The following SYNJ2 variants were observed in gnomAD, a reference collection of about 807,000 sequenced individuals.
The protein encoded by SYNJ2 is synaptojanin 2, also known as polyphosphatidylinositol phosphatase SYNJ2.
SYNJ2 carries 116 observed loss-of-function variants against 141.3 expected under a neutral mutation model. The observed-to-expected ratio is 0.82, with a 90% CI of 0.71 to 0.96. The LOEUF (loss-of-function observed/expected upper bound fraction) is 0.96, where lower values mean the gene tolerates loss of function less well. SYNJ2 is among the 40% of genes least tolerant of loss of function. The pLI is 0.00. For missense variants in SYNJ2, 1,873 were observed against 1,934.8 expected (o/e 0.97, Z 0.60); for synonymous variants, 745 against 777.7 (o/e 0.96, Z 0.70).
intron 2 of SYNJ2, among the ~76,000 whole-genome samples, chr6:158,023,712 C>T (rs2128332428): frequency 6.6e-6 from 1 of 152,236 alleles, no homozygotes; most frequent in East Asian, 1.9e-4. Flanking sequence ...GTAACTCCCC[C>T]TAGGATTCCA....
chr6:158,022,152 T>TC (rs990183479), intron 2 of SYNJ2, among the ~76,000 whole-genome samples: 1 of 152,210 alleles, frequency 6.6e-6, no homozygotes, highest in African/African-American at 2.4e-5. Context: ...GGCCGAAGCT[T>TC]CCCCCTTCAC....
At chr6:158,074,949 G>A (rs1480059890) in intron 16 of SYNJ2, among the ~76,000 whole-genome samples, 1 of 133,582 alleles carries the variant, frequency 7.5e-6, no homozygotes, top group Non-Finnish European at 1.6e-5. Flanking sequence ...TTTTTTTCCT[G>A]AGGCAGAGTC....
In SYNJ2 at chr6:158,069,551, G is replaced by T; in HGVS notation, c.1818G>T (p.Met606Ile). Reference protein sequence around the residue: ...IVNASTTNKKMWGEQLQKAIS... With the variant: ...IVNASTTNKKIWGEQLQKAIS... ...CTTCCAGTACTACCAACAAGAAGAT[G>T]TGGGGTGAACAGCTTCAGAAAGCCA... Residue 606 changes from methionine (M) to isoleucine (I), a missense_variant, in exon 14 of 27, where the codon ATG (methionine) becomes ATT (isoleucine). Met to Ile is a conservative substitution (Grantham distance 10). Transcript: ENST00000355585. 1 of 1,613,500 alleles carries T rather than the reference G, an allele frequency of 6.2e-7. No homozygotes were observed.
In SYNJ2 at chr6:158,086,949, G is replaced by A. The variant is rs2296506; in HGVS notation, c.3303G>A (p.Arg1101=). The change falls in exon 23 of 27, where the codon CGG becomes CGA. Residue 1101 remains arginine (R), a synonymous_variant. Transcript: ENST00000355585. Reference sequence around the variant, plus strand: ...GCAGGTCTCTGTCGGTCCCCAACCGGCCTCGGCCACCTCAACCCCCGCAGA... The same window carrying A: ...GCAGGTCTCTGTCGGTCCCCAACCGACCTCGGCCACCTCAACCCCCGCAGA... ...SPSRSLSVPN[R]PRPPQPPQRP... is the part of the protein sequence containing the mutation. 814,991 of 1,604,280 alleles carry A rather than the reference G, an allele frequency of 0.51. 209,209 individuals carry two copies. Among genetic ancestry groups the A allele is most frequent in the African/African-American group, 0.56 (41,885 of 74,746 alleles).
At position 158,083,584 on chromosome 6, in the gene SYNJ2, C is replaced by A. The variant is rs1484122163; in HGVS notation, c.3021C>A (p.Asp1007Glu). The A allele has an allele frequency of 6.2e-7, 1 of 1,614,192 alleles. No homozygotes were observed. The highest frequency in any genetic ancestry group is 8.5e-7 in the Non-Finnish European group (1 of 1,180,042). The change falls in exon 21 of 27, where the codon GAC becomes GAA. Residue 1007 changes from aspartate (D) to glutamate (E), a missense_variant. Coordinates refer to ENST00000355585, the MANE Select transcript of SYNJ2 (RefSeq NM_003898.4). The part of the protein sequence containing the change: ...LEENFDFTSL[D>E]YESEGDILED... ...AAAACTTTGACTTCACAAGTTTGGACTATGAGTCAGAAGGTTAGTGACCCT... is the reference window on the plus strand; with the variant it reads ...AAAACTTTGACTTCACAAGTTTGGAATATGAGTCAGAAGGTTAGTGACCCT...
chr6:158,092,862 G>A, intron 25 of SYNJ2, 64 bp from the exon 26 acceptor site: 5 of 1,457,982 alleles, frequency 3.4e-6, no homozygotes, highest in Non-Finnish European at 4.6e-6. Context: ...GACTGTCTAA[G>A]GACGAAATCA....
At chr6:158,049,380 C>T (rs1433287158) in intron 5 of SYNJ2, among the ~76,000 whole-genome samples, 1 of 152,020 alleles carries the variant, frequency 6.6e-6, no homozygotes, top group South Asian at 2.1e-4. Flanking sequence ...GGATGCTGGT[C>T]AGTGTTGGAG....
chr6:158,078,816 AGT>A (rs1782493388), intron 18 of SYNJ2: 1 of 112,280 alleles, frequency 8.9e-6, no homozygotes, highest in African/African-American at 3.5e-5. Context: ...TTTGAGAGAG[AGT>A]CTTGCTCTAT....
At chr6:158,057,925 G>C (rs964254025) in intron 6 of SYNJ2, among the ~76,000 whole-genome samples, 5 of 152,246 alleles carry the variant, frequency 3.3e-5, no homozygotes, top group Non-Finnish European at 7.3e-5. Flanking sequence ...ACGGGAGCCC[G>C]GGAGGGTGCT....
intron 2 of SYNJ2, among the ~76,000 whole-genome samples, chr6:158,018,017 G>A (rs972365539): frequency 4.3e-4 from 65 of 152,262 alleles, no homozygotes; most frequent in Non-Finnish European, 8.5e-4. Context: ...GATGCCCGGG[G>A]GCACAGGGGT....
In SYNJ2 at chr6:158,095,812, T is replaced by G. The variant is rs745930251; in HGVS notation, c.3939T>G (p.Pro1313=). Residue 1313 remains proline, a synonymous_variant, in exon 27 of 27, where the codon CCT becomes CCG. Transcript: ENST00000355585. ...HRKPASDEAP[P]GAGASVPPPL... is the part of the protein sequence containing the mutation. ...AGCCAGCATCAGACGAAGCCCCTCC[T>G]GGGGCAGGAGCCTCTGTGCCACCAC... The G allele has an allele frequency of 1.6e-5, 26 of 1,613,956 alleles. No homozygotes were observed. Among genetic ancestry groups the G allele is most frequent in the Non-Finnish European group, 2.2e-5 (26 of 1,180,000 alleles).
intron 4 of SYNJ2, among the ~76,000 whole-genome samples, chr6:158,034,305 C>T (rs1779524961): frequency 6.6e-6 from 1 of 152,172 alleles, no homozygotes; most frequent in Admixed American, 6.5e-5. Flanking sequence ...GATAAGGCCA[C>T]CATGTGGAAT....
chr6:157,992,657 C>G (rs929903663), intron 1 of SYNJ2, among the ~76,000 whole-genome samples: 2 of 150,966 alleles, frequency 1.3e-5, no homozygotes, highest in African/African-American at 4.9e-5. Flanking sequence ...CTCGGCCTCC[C>G]AAAGTGCTGG....
At chr6:158,022,100 G>T (rs1013628754) in intron 2 of SYNJ2, among the ~76,000 whole-genome samples, 1 of 152,240 alleles carries the variant, frequency 6.6e-6, no homozygotes, top group East Asian at 1.9e-4. Context: ...AGTGCTTAGG[G>T]TTCTGAACCT....
chr6:158,014,878 A>G (rs1188332186), intron 1 of SYNJ2, among the ~76,000 whole-genome samples: 4 of 152,206 alleles, frequency 2.6e-5, no homozygotes, highest in African/African-American at 7.2e-5. Flanking sequence ...GGGTAGGAAG[A>G]GCTTCAGAGG....
chr6:158,078,788 CTTT>C (rs369220540), intron 18 of SYNJ2: 2 of 96,286 alleles, frequency 2.1e-5, no homozygotes, highest in Non-Finnish European at 4.0e-5. Context: ...GATGCACAAC[CTTT>C]TTTTTTTTTT....
At chr6:158,030,365 G>A (rs1400973953) in intron 3 of SYNJ2, 1 of 152,652 alleles carries the variant, frequency 6.6e-6, no homozygotes. Context: ...CGGGACTCGT[G>A]AGGTTTATTT....
chr6:158,064,856 A>G lies in SYNJ2; in HGVS notation c.1390A>G (p.Met464Val), dbSNP rs762179123. The part of the protein sequence containing the change: ...VGKLKDGARS[M>V]SRTIQSNFFD... The stretch of plus-strand genomic sequence containing the variant: ...GAAGCTGAAGGATGGAGCCCGGTCC[A>G]TGTCTCGAACCATCCAGTCCAACTT... Residue 464 changes from methionine (M) to valine (V), a missense_variant, in exon 11 of 27, where the codon ATG becomes GTG. Coordinates refer to ENST00000355585, the MANE Select transcript of SYNJ2 (RefSeq NM_003898.4). 2 of 1,611,194 alleles carry G rather than the reference A, an allele frequency of 1.2e-6. No individual in the cohort carries two copies. The highest frequency in any genetic ancestry group is 1.1e-5 in the South Asian group (1 of 90,932).
In SYNJ2 at chr6:158,071,124, A is replaced by G. The variant is rs1781893470; in HGVS notation, c.1941-478A>G. On this transcript the variant is annotated intron_variant, in intron 14 of 26. Coordinates refer to ENST00000355585, the MANE Select transcript of SYNJ2 (RefSeq NM_003898.4). This position sits in a 1 kb window ranked among gnomAD's most constrained non-coding sequence, Gnocchi z 4.3. ...CTTGAACCTGGGAGGCCACAGTTGC[A>G]GTGAGCTGAGATCACGCTGCTGCAC... 6.6e-6 allele frequency among the ~76,000 whole-genome samples: 1 copy of G among 152,198 alleles called. No individual in the cohort carries two copies. The highest frequency in any genetic ancestry group is 1.5e-5 in the Non-Finnish European group (1 of 68,032).
Sources: gnomAD v4.1 joint callset for allele counts (sites outside exome capture counted in the v4.1 genomes callset) on GRCh38, gnomAD v4.1.1 for gene constraint, Gnocchi (gnomAD v3.1) non-coding constraint, MANE v1.5 for transcripts, NCBI Gene and HGNC (gene_info 2026-07-23, HGNC 2026-07-21) for gene names.